SEMA5A: variants seen among roughly 807,000 people sequenced by gnomAD.
SEMA5A encodes the protein semaphorin-5A.
A neutral mutation model predicts 135.5 loss-of-function variants in SEMA5A; 55 were observed. The ratio of observed to expected loss-of-function variants is 0.41; its 90% CI spans 0.33 to 0.51. The LOEUF is 0.51. Ranked by LOEUF, SEMA5A falls within the 20% of genes least tolerant of loss-of-function variation. The pLI is 0.37. For missense variants in SEMA5A, 1,290 were observed against 1,419.9 expected, an observed-to-expected ratio of 0.91 and a Z score of 1.47; for synonymous variants, 580 against 546.5, an observed-to-expected ratio of 1.06 and a Z score of -0.85.
chr5:9,064,616 G>A (rs536271547), intron 17 of SEMA5A, among the ~76,000 whole-genome samples: 5 of 152,252 alleles, frequency 3.3e-5, no homozygotes, highest in African/African-American at 1.2e-4. Flanking sequence ...GACACCAGGA[G>A]GGGAACACCA....
At chr5:9,182,041 C>T (rs139988516) in intron 11 of SEMA5A, among the ~76,000 whole-genome samples, 298 of 152,222 alleles carry the variant, frequency 2.0e-3, no homozygotes, top group African/African-American at 6.9e-3. Flanking sequence ...TCTCTCCGCA[C>T]ATTGCACGTT....
At chr5:9,183,268 C>A (rs1490431826) in intron 11 of SEMA5A, among the ~76,000 whole-genome samples, 1 of 152,106 alleles carries the variant, frequency 6.6e-6, no homozygotes, top group African/African-American at 2.4e-5. Flanking sequence ...TGGACAGCCG[C>A]CTGGAGGTGA....
intron 13 of SEMA5A, among the ~76,000 whole-genome samples, chr5:9,128,936 T>C (rs949695124): frequency 2.6e-5 from 4 of 152,172 alleles, no homozygotes; most frequent in African/African-American, 9.7e-5. Context: ...CACCCCCAGA[T>C]GTGACAACCC....
chr5:9,456,678 A>G (rs1758847657), intron 1 of SEMA5A, among the ~76,000 whole-genome samples: 1 of 152,184 alleles, frequency 6.6e-6, no homozygotes, highest in Non-Finnish European at 1.5e-5. Context: ...CTGCAATAAC[A>G]AAGGCAGAAG....
At chr5:9,485,620 G>A (rs17260496) in intron 1 of SEMA5A, among the ~76,000 whole-genome samples, 12,473 of 152,184 alleles carry the variant, frequency 0.082, 721 homozygotes, top group Middle Eastern at 0.14. Context: ...CAGGGTGACC[G>A]CTTGGGCTAT....
Position 9,350,353 on chromosome 5 carries a change from A to G in SEMA5A, c.125-12541T>C, listed in dbSNP as rs10050348. Among the ~76,000 whole-genome samples, 744 of 152,346 alleles carry G rather than the reference A, an allele frequency of 4.9e-3. 6 individuals are homozygous for G. The highest frequency in any genetic ancestry group is 0.017 in the African/African-American group (713 of 41,586). Reference sequence around the variant, plus strand: ...GAGTAGTTTAATAATGGGTTGACTCAGCAGGTCTGCGGTATTCAAGCCAAG... The same window carrying G: ...GAGTAGTTTAATAATGGGTTGACTCGGCAGGTCTGCGGTATTCAAGCCAAG... On this transcript the variant is annotated intron_variant, in intron 3 of 22. Transcript: ENST00000382496.
intron 13 of SEMA5A, among the ~76,000 whole-genome samples, chr5:9,131,443 C>A (rs927568170): frequency 6.6e-6 from 1 of 151,504 alleles, no homozygotes; most frequent in African/African-American, 2.4e-5. Context: ...CCCGTCTCTA[C>A]TAAAAACACA....
intron 16 of SEMA5A, among the ~76,000 whole-genome samples, chr5:9,066,868 G>A (rs1422556379): frequency 6.6e-6 from 1 of 152,262 alleles, no homozygotes; most frequent in African/African-American, 2.4e-5. Flanking sequence ...AGTCTCTCCT[G>A]TGTAAACAAT....
At chr5:9,132,021 C>T (rs1741463912) in intron 13 of SEMA5A, among the ~76,000 whole-genome samples, 1 of 152,076 alleles carries the variant, frequency 6.6e-6, no homozygotes, top group African/African-American at 2.4e-5. Context: ...TCTAGATATG[C>T]CAATTTAGAT....
chr5:9,056,232 C>T (rs1561108714), intron 18 of SEMA5A, among the ~76,000 whole-genome samples: 1 of 152,272 alleles, frequency 6.6e-6, no homozygotes, highest in Admixed American at 6.5e-5. Context: ...AGATGCTCAG[C>T]ATCATGAATC....
intron 5 of SEMA5A, among the ~76,000 whole-genome samples, chr5:9,247,746 A>C (rs1748553018): frequency 6.6e-6 from 1 of 152,164 alleles, no homozygotes. Flanking sequence ...CATTATTTCC[A>C]TAAGCTTTTG....
chr5:9,222,136 G>A (rs1747039539), intron 8 of SEMA5A, among the ~76,000 whole-genome samples: 1 of 152,142 alleles, frequency 6.6e-6, no homozygotes, highest in Non-Finnish European at 1.5e-5. Flanking sequence ...CCTGAGACAA[G>A]GGCATCTGGC....
At position 9,524,924 on chromosome 5, in the gene SEMA5A, A is replaced by G. The variant is rs367595227; in HGVS notation, c.-175+20660T>C. The stretch of plus-strand genomic sequence containing the variant: ...CAAAATTTGACACTTTGGCTTAGAT[A>G]CCATGGCAGGCTAAAATCAAGCTAA... On this transcript the variant is annotated intron_variant, in intron 1 of 22. Coordinates refer to ENST00000382496, the MANE Select transcript of SEMA5A (RefSeq NM_003966.3). Among the ~76,000 whole-genome samples the G allele has an allele frequency of 9.8e-5, 15 of 152,324 alleles. No homozygotes were observed. In the East Asian group the frequency reaches 2.5e-3, roughly 25 times the overall value.
At chr5:9,198,008 G>A (rs1745511894) in intron 9 of SEMA5A, among the ~76,000 whole-genome samples, 1 of 152,114 alleles carries the variant, frequency 6.6e-6, no homozygotes, top group South Asian at 2.1e-4. Flanking sequence ...GGAGCCCTCA[G>A]AAGGTCAGTG....
intron 4 of SEMA5A, among the ~76,000 whole-genome samples, chr5:9,336,588 G>A (rs1025460352): frequency 4.6e-5 from 7 of 152,262 alleles, no homozygotes; most frequent in Admixed American, 1.3e-4. Context: ...CCTCACAAAC[G>A]TCAAAAGAGG....
At chr5:9,340,657 C>T (rs1753607435) in intron 3 of SEMA5A, among the ~76,000 whole-genome samples, 1 of 152,052 alleles carries the variant, frequency 6.6e-6, no homozygotes, top group African/African-American at 2.4e-5. Flanking sequence ...GTTCAAGTTT[C>T]CTTATTTGAA....
intron 18 of SEMA5A, among the ~76,000 whole-genome samples, chr5:9,056,074 G>A (rs778011761): frequency 4.6e-5 from 7 of 152,168 alleles, no homozygotes; most frequent in East Asian, 1.9e-4. Context: ...TTCTAAATGC[G>A]CACAAGGCAG....
intron 1 of SEMA5A, among the ~76,000 whole-genome samples, chr5:9,519,217 C>CT (rs564506610): frequency 7.2e-5 from 11 of 151,930 alleles, no homozygotes; most frequent in Admixed American, 6.6e-4. Flanking sequence ...CTGGTTGTGA[C>CT]TTTTTTTTAG....
intron 5 of SEMA5A, among the ~76,000 whole-genome samples, chr5:9,282,222 C>A (rs1331227482): frequency 6.6e-6 from 1 of 151,972 alleles, no homozygotes; most frequent in African/African-American, 2.4e-5. Context: ...ATATGAAGGC[C>A]AAACACTTAA....
Sources: allele counts gnomAD v4.1 joint callset (sites outside exome capture counted in the v4.1 genomes callset), GRCh38; gene constraint gnomAD v4.1.1; transcripts MANE v1.5; gene names NCBI Gene and HGNC (gene_info 2026-07-23, HGNC 2026-07-21).